Variants in WWC1 observed in about 807,000 individuals in gnomAD.
WWC1 encodes the protein WW and C2 domain containing 1, also known as protein KIBRA.
Under a neutral mutation model 138.4 loss-of-function variants are expected in WWC1, and 55 were observed. That is an observed-to-expected ratio of 0.40 (90% CI 0.32 to 0.50). The LOEUF is 0.50. Ranked by LOEUF, WWC1 falls within the 20% of genes least tolerant of loss-of-function variation. WWC1 has a pLI of 0.72. For synonymous variants in WWC1, 524 were observed against 564.9 expected, an observed-to-expected ratio of 0.93 and a Z score of 1.03; for missense variants, 1,226 against 1,420.4, an observed-to-expected ratio of 0.86 and a Z score of 2.20.
intron 20 of WWC1, 87 bp from the exon 21 acceptor site, chr5:168,464,642 G>T (rs1757095584): frequency 1.9e-6 from 3 of 1,553,908 alleles, no homozygotes; most frequent in South Asian, 1.2e-5. Context: ...GCCTACAAGA[G>T]AGGGTATTTG....
At chr5:168,382,928 C>T (rs777118433) in intron 2 of WWC1, among the ~76,000 whole-genome samples, 4 of 152,112 alleles carry the variant, frequency 2.6e-5, no homozygotes, top group Non-Finnish European at 5.9e-5. Context: ...GTAATCCCAC[C>T]ACTTTGGGAG....
At chr5:168,325,686 A>T (rs1330888090) in intron 1 of WWC1, among the ~76,000 whole-genome samples, 2 of 152,156 alleles carry the variant, frequency 1.3e-5, no homozygotes, top group African/African-American at 2.4e-5. Context: ...AAAATTAATC[A>T]TCTTAACCAT....
intron 1 of WWC1, among the ~76,000 whole-genome samples, chr5:168,346,134 G>A (rs1774452398): frequency 6.6e-6 from 1 of 151,454 alleles, no homozygotes; most frequent in African/African-American, 2.4e-5. Context: ...CCCTCCACCT[G>A]AAGCCCACCG....
At chr5:168,411,222 C>T (rs1056563737) in intron 8 of WWC1, among the ~76,000 whole-genome samples, 2 of 152,142 alleles carry the variant, frequency 1.3e-5, no homozygotes, top group South Asian at 2.1e-4. Context: ...CTACCGCACC[C>T]GGCCAAGTTC....
chr5:168,363,987 G>A (rs1370372344), intron 1 of WWC1, among the ~76,000 whole-genome samples: 1 of 152,090 alleles, frequency 6.6e-6, no homozygotes, highest in South Asian at 2.1e-4. Context: ...GATAAAGGGT[G>A]ATGTGATTCT....
intron 3 of WWC1, among the ~76,000 whole-genome samples, chr5:168,391,677 A>G: frequency 6.7e-6 from 1 of 148,224 alleles, no homozygotes; most frequent in Admixed American, 6.8e-5. Context: ...AAAAACAAAA[A>G]AACTAAAAAA....
chr5:168,382,058 A>C (rs1428672752), intron 2 of WWC1, among the ~76,000 whole-genome samples: 1 of 152,146 alleles, frequency 6.6e-6, no homozygotes, highest in Non-Finnish European at 1.5e-5. Context: ...AAGAACCCTT[A>C]CTGCAGCATT....
At chr5:168,397,421 G>A (rs1475836277) in intron 3 of WWC1, among the ~76,000 whole-genome samples, 5 of 152,142 alleles carry the variant, frequency 3.3e-5, no homozygotes, top group Non-Finnish European at 7.3e-5. Flanking sequence ...GGGATTATAA[G>A]CTTCAGCCAC....
At chr5:168,397,857 C>T in intron 4 of WWC1, 57 bp downstream of exon 4, 1 of 1,582,322 alleles carries the variant, frequency 6.3e-7, no homozygotes, top group Non-Finnish European at 8.7e-7. Flanking sequence ...AGGTCTTAGG[C>T]CACAAGCCCA....
chr5:168,316,763 C>T (rs549089221), intron 1 of WWC1: 5 of 152,288 alleles, frequency 3.3e-5, no homozygotes, highest in African/African-American at 1.2e-4. Flanking sequence ...GGGCTGTATC[C>T]GAATCCTTCT....
chr5:168,326,435 T>C (rs1772557076), intron 1 of WWC1, among the ~76,000 whole-genome samples: 2 of 152,138 alleles, frequency 1.3e-5, no homozygotes, highest in Admixed American at 1.3e-4. Context: ...CAGGCTGGTC[T>C]CGAACTCCCC....
rs370057395 is a variant in WWC1 at position 168,448,821 on chromosome 5, G to A, written c.2525+4236G>A. On this transcript the variant is annotated intron_variant, in intron 17 of 22. Coordinates refer to ENST00000265293, the MANE Select transcript of WWC1 (RefSeq NM_015238.3). Reference sequence around the variant, plus strand: ...TTTTTAGTAGAGATGGGGTTTCACCGTGTTAGCCAGGATGGTCTCGATCTC... The same window carrying A: ...TTTTTAGTAGAGATGGGGTTTCACCATGTTAGCCAGGATGGTCTCGATCTC... 7.8e-3 allele frequency among the ~76,000 whole-genome samples: 1,187 copies of A among 151,882 alleles called. 10 individuals carry two copies. The highest frequency in any genetic ancestry group is 0.025 in the African/African-American group (1,044 of 41,406).
At chr5:168,394,336 T>C (rs926656958) in intron 3 of WWC1, among the ~76,000 whole-genome samples, 4 of 152,248 alleles carry the variant, frequency 2.6e-5, no homozygotes, top group African/African-American at 9.6e-5. Flanking sequence ...TGTTGGACTG[T>C]TAAACTGTGT....
chr5:168,450,060 C>T (rs1291180688), intron 17 of WWC1, among the ~76,000 whole-genome samples: 1 of 152,210 alleles, frequency 6.6e-6, no homozygotes, highest in Non-Finnish European at 1.5e-5. Context: ...CCCACACTCT[C>T]GCCGAGCTAG....
chr5:168,467,724 G>C, intron 21 of WWC1, 116 bp from the exon 22 acceptor site: 2 of 1,449,522 alleles, frequency 1.4e-6, no homozygotes, highest in Non-Finnish European at 1.9e-6. Context: ...ATCCCACATG[G>C]AGCAAGAGTG....
Position 168,414,522 on chromosome 5 carries a change from G to A in WWC1, c.1116G>A (p.Met372Ile). The A allele has an allele frequency of 6.4e-7, 1 of 1,556,818 alleles. No homozygotes were observed. The highest frequency in any genetic ancestry group is 1.4e-5 in the African/African-American group (1 of 73,624). Residue 372 changes from methionine (M) to isoleucine (I), a missense_variant, in exon 9 of 23, where the codon ATG becomes ATA. By Grantham distance (10) the Met-to-Ile change is conservative. Coordinates refer to ENST00000265293, the MANE Select transcript of WWC1 (RefSeq NM_015238.3). Reference sequence around the variant, plus strand: ...AGGGGGAGGTGGAGCAGCTGGAGATGGCCCGGAAGCGGCTGGAAAAGGACC... The same window carrying A: ...AGGGGGAGGTGGAGCAGCTGGAGATAGCCCGGAAGCGGCTGGAAAAGGACC... Reference protein sequence around the residue: ...WTQGEVEQLEMARKRLEKDLQ... With the variant: ...WTQGEVEQLEIARKRLEKDLQ...
chr5:168,412,669 A>G (rs1227827512), intron 8 of WWC1, among the ~76,000 whole-genome samples: 2 of 152,188 alleles, frequency 1.3e-5, no homozygotes, highest in Non-Finnish European at 2.9e-5. Context: ...AGTCCTCTGT[A>G]CCCACGGGTT....
chr5:168,339,767 C>T (rs192918967), intron 1 of WWC1, among the ~76,000 whole-genome samples: 68 of 150,700 alleles, frequency 4.5e-4, no homozygotes, highest in Middle Eastern at 6.8e-3. Context: ...TAAGTTAACC[C>T]TCACAACGAG....
intron 1 of WWC1, among the ~76,000 whole-genome samples, chr5:168,329,388 C>T (rs114838876): frequency 6.3e-4 from 96 of 152,320 alleles, no homozygotes; most frequent in African/African-American, 2.2e-3. Context: ...TAAAAGGGTT[C>T]TCTTTTTCTC....
Sources: allele counts gnomAD v4.1 joint callset (sites outside exome capture counted in the v4.1 genomes callset), GRCh38; gene constraint gnomAD v4.1.1; transcripts MANE v1.5; gene names NCBI Gene and HGNC (gene_info 2026-07-23, HGNC 2026-07-21).